Variants in ABCC9 observed in about 807,000 individuals in gnomAD.
ABCC9 encodes ATP-binding cassette sub-family C member 9.
In ABCC9, 95 loss-of-function variants were observed where a neutral mutation model predicts 188.3. The observed-to-expected ratio is 0.50, with a 90% CI of 0.43 to 0.60. The LOEUF (loss-of-function observed/expected upper bound fraction) is 0.60, where lower values mean the gene tolerates loss of function less well. Ranked by LOEUF, ABCC9 falls within the 20% of genes least tolerant of loss-of-function variation. The pLI, the probability that ABCC9 is intolerant of heterozygous loss-of-function variation, is 0.00. For synonymous variants in ABCC9, 659 were observed against 652.7 expected (o/e 1.01, Z -0.15); for missense variants, 1,102 against 1,876.3 (o/e 0.59, Z 7.62).
At chr12:21,850,509 G>T (rs1284889071) in intron 24 of ABCC9, among the ~76,000 whole-genome samples, 1 of 151,938 alleles carries the variant, frequency 6.6e-6, no homozygotes, top group Non-Finnish European at 1.5e-5. Flanking sequence ...ACCCTAACTT[G>T]CTCCACACCT....
chr12:21,855,926 C>T (rs1405992789), intron 22 of ABCC9, among the ~76,000 whole-genome samples: 1 of 152,128 alleles, frequency 6.6e-6, no homozygotes, highest in Admixed American at 6.6e-5. Flanking sequence ...ACTTTCTATC[C>T]CTGCTTCACT....
chr12:21,882,682 T>C, intron 16 of ABCC9, 84 bp downstream of exon 16: 1 of 1,232,212 alleles, frequency 8.1e-7, no homozygotes, highest in East Asian at 2.3e-5. Context: ...AAAGGCACAA[T>C]TTGGGACACT....
chr12:21,927,651 A>G (rs1393063449), intron 4 of ABCC9, among the ~76,000 whole-genome samples: 3 of 152,192 alleles, frequency 2.0e-5, no homozygotes, highest in Non-Finnish European at 4.4e-5. Context: ...AGAGGAGCTA[A>G]TAAGTTTCGC....
At chr12:21,927,932 G>T (rs969910111) in intron 4 of ABCC9, among the ~76,000 whole-genome samples, 1 of 152,056 alleles carries the variant, frequency 6.6e-6, no homozygotes, top group African/African-American at 2.4e-5. Flanking sequence ...ATCAAAGAAA[G>T]AATCTGGCTG....
At chr12:21,933,353 G>A (rs781097139) in intron 4 of ABCC9, among the ~76,000 whole-genome samples, 44 of 152,002 alleles carry the variant, frequency 2.9e-4, no homozygotes, top group African/African-American at 8.2e-4. Context: ...TAATAAACAC[G>A]CACTTGTACC....
rs1941243393 is a variant in ABCC9, at chr12:21,798,154, TG to T, written c.*2889del. The T allele has an allele frequency of 6.6e-6, 1 of 152,174 alleles. No individual in the cohort carries two copies. Among genetic ancestry groups the T allele is most frequent in the African/African-American group, 2.4e-5 (1 of 41,454 alleles). The allele number at this position is 152,174 out of a possible 1,614,324, so 9.4% of individuals were successfully genotyped here. A position where few individuals can be genotyped will look rare whatever the true frequency, so the allele number is the denominator to read the frequency against. The stretch of plus-strand genomic sequence containing the variant: ...AGCAACCACTTGGCTGTAAGAATGG[TG>T]AATGTGATCTTTAGTTTAGTGTAAC... On this transcript the variant is annotated 3_prime_UTR_variant, in exon 40 of 40. Coordinates refer to ENST00000261200, the MANE Select transcript of ABCC9 (RefSeq NM_020297.4).
chr12:21,855,079 A>C (rs1002120774), intron 22 of ABCC9, among the ~76,000 whole-genome samples: 10 of 152,228 alleles, frequency 6.6e-5, no homozygotes, highest in Non-Finnish European at 1.3e-4. Flanking sequence ...TAAAACCCCA[A>C]GAATAATTTG....
intron 39 of ABCC9, among the ~76,000 whole-genome samples, chr12:21,804,885 C>T (rs547371748): frequency 1.3e-5 from 2 of 152,196 alleles, no homozygotes; most frequent in Non-Finnish European, 2.9e-5. Flanking sequence ...TACAAAACAT[C>T]CCTAAGGACT....
intron 34 of ABCC9, among the ~76,000 whole-genome samples, chr12:21,815,072 A>C (rs1003560897): frequency 1.3e-5 from 2 of 152,018 alleles, no homozygotes; most frequent in Non-Finnish European, 2.9e-5. Context: ...AGTCCCAGCT[A>C]CTCAGAAGGC....
At chr12:21,882,165 A>G (rs1377832451) in intron 16 of ABCC9, among the ~76,000 whole-genome samples, 1 of 152,158 alleles carries the variant, frequency 6.6e-6, no homozygotes, top group East Asian at 1.9e-4. Context: ...CTAAGTTTCC[A>G]GGACTCTGGC....
intron 30 of ABCC9, among the ~76,000 whole-genome samples, chr12:21,835,553 C>G (rs2252705): frequency 1 from 152,323 of 152,324 alleles, 76,161 homozygotes; most frequent in Non-Finnish European, 1. Flanking sequence ...TATTGGGAGG[C>G]ACAAGTCATA....
intron 5 of ABCC9, chr12:21,925,300 A>G: frequency 2.0e-6 from 1 of 498,082 alleles, no homozygotes; most frequent in Middle Eastern, 4.9e-4. Flanking sequence ...TAAAATTAGG[A>G]ATATTTTAGA....
chr12:21,832,624 A>T (rs1485148998), intron 30 of ABCC9, among the ~76,000 whole-genome samples: 1 of 152,214 alleles, frequency 6.6e-6, no homozygotes, highest in Admixed American at 6.5e-5. Context: ...AATAAAAAAA[A>T]AAAATAGATA....
At chr12:21,845,311 G>T (rs1048664386) in intron 26 of ABCC9, among the ~76,000 whole-genome samples, 2 of 151,820 alleles carry the variant, frequency 1.3e-5, no homozygotes, top group Admixed American at 1.3e-4. Context: ...TCCTCTGTGT[G>T]TATATATGTA....
At chr12:21,890,364 T>A (rs750674290) in intron 14 of ABCC9, among the ~76,000 whole-genome samples, 8 of 152,106 alleles carry the variant, frequency 5.3e-5, no homozygotes, top group Non-Finnish European at 1.0e-4. Flanking sequence ...ACTTCCCACA[T>A]CAGAACCCTT....
At chr12:21,850,261 C>A (rs1198643418) in intron 24 of ABCC9, among the ~76,000 whole-genome samples, 1 of 151,848 alleles carries the variant, frequency 6.6e-6, no homozygotes, top group Non-Finnish European at 1.5e-5. Flanking sequence ...ATAGGAAACA[C>A]CCTGTCCTGT....
intron 30 of ABCC9, among the ~76,000 whole-genome samples, chr12:21,829,401 C>T (rs1943607416): frequency 6.6e-6 from 1 of 151,870 alleles, no homozygotes; most frequent in Non-Finnish European, 1.5e-5. Flanking sequence ...CGAGGTTTCA[C>T]CGTGTTAGCC....
chr12:21,933,938 A>G lies in ABCC9; in HGVS notation c.143-15T>C. The G allele has an allele frequency of 6.2e-7, 1 of 1,613,402 alleles. No individual in the cohort carries two copies. The highest frequency in any genetic ancestry group is 8.5e-7 in the Non-Finnish European group (1 of 1,179,466). ...GCTCCCCCACCCTGGAAAAGAGAGA[A>G]AAGTTAAAAACAAAAAGACATAAAC... On this transcript the variant is annotated splice_polypyrimidine_tract_variant and intron_variant, in intron 3 of 39. Transcript: ENST00000261200.
chr12:21,806,114 T>G, intron 38 of ABCC9, 54 bp from the exon 39 acceptor site: 1 of 1,522,380 alleles, frequency 6.6e-7, no homozygotes, highest in Non-Finnish European at 9.1e-7. Context: ...CATCATAATA[T>G]TTTGCCCCAA....
Sources: gnomAD v4.1 joint callset for allele counts (sites outside exome capture counted in the v4.1 genomes callset) on GRCh38, gnomAD v4.1.1 for gene constraint, MANE v1.5 for transcripts, NCBI Gene and HGNC (gene_info 2026-07-23, HGNC 2026-07-21) for gene names.